RIMS3: variants seen among roughly 807,000 people sequenced by gnomAD.
The protein encoded by RIMS3 is regulating synaptic membrane exocytosis 3, also known as regulating synaptic membrane exocytosis protein 3.
RIMS3 carries 15 observed loss-of-function variants against 29.2 expected under a neutral mutation model. The ratio of observed to expected loss-of-function variants is 0.51; its 90% confidence interval spans 0.34 to 0.79. RIMS3 has a LOEUF of 0.79. RIMS3 is among the 30% of genes least tolerant of loss of function. The probability of loss-of-function intolerance (pLI) is 0.01; values close to 1 mark genes in which losing one functional copy is unlikely to be tolerated. For missense variants in RIMS3, 342 were observed against 421.4 expected (o/e 0.81, Z 1.65); for synonymous variants, 161 against 170.1 (o/e 0.95, Z 0.41).
chr1:40,675,185 T>C, the RIMS3 span, among the ~76,000 whole-genome samples: 2 of 151,830 alleles, frequency 1.3e-5, no homozygotes, highest in African/African-American at 4.8e-5. Flanking sequence ...GGGAGGATCA[T>C]TTGAGCCTGG....
chr1:40,679,558 C>T, the RIMS3 span, among the ~76,000 whole-genome samples: 4 of 152,116 alleles, frequency 2.6e-5, no homozygotes, highest in Admixed American at 2.6e-4. Context: ...TTTATTTCTC[C>T]ATTTTTCCCT....
rs1460224708 is a variant in RIMS3 at position 40,624,309 on chromosome 1, C to T, written c.*2208G>A. 2 of 152,206 alleles carry T rather than the reference C, an allele frequency of 1.3e-5. No homozygotes were observed. The highest frequency in any genetic ancestry group is 2.9e-5 in the Non-Finnish European group (2 of 68,032). The allele number at this position is 152,206 out of a possible 1,614,324, so 9.4% of individuals were successfully genotyped here. A position where few individuals can be genotyped will look rare whatever the true frequency, so the allele number is the denominator to read the frequency against. The stretch of plus-strand genomic sequence containing the variant: ...ATCCCAAAGGTGTAGAGTATTTTCG[C>T]AACACCCTGACAGTGACTGCTCTAG... On this transcript the variant is annotated 3_prime_UTR_variant, in exon 8 of 8. Coordinates refer to ENST00000372684, the MANE Select transcript of RIMS3 (RefSeq NM_014747.3).
At chr1:40,685,042 C>T in the RIMS3 span, among the ~76,000 whole-genome samples, 3 of 152,018 alleles carry the variant, frequency 2.0e-5, no homozygotes, top group Non-Finnish European at 2.9e-5. Context: ...GACCAAGTGG[C>T]TAATTGTCTG....
intron 1 of RIMS3, among the ~76,000 whole-genome samples, chr1:40,659,310 T>C (rs1642317013): frequency 6.6e-6 from 1 of 152,118 alleles, no homozygotes; most frequent in Non-Finnish European, 1.5e-5. Context: ...GCGCACATCA[T>C]AAAGGGCTTT....
At chr1:40,683,421 CG>C in the RIMS3 span, among the ~76,000 whole-genome samples, 1 of 152,168 alleles carries the variant, frequency 6.6e-6, no homozygotes, top group East Asian at 1.9e-4. Context: ...TAAAAGGATA[CG>C]TTTGGCCCCC....
chr1:40,641,638 G>T, intron 3 of RIMS3, 71 bp downstream of exon 3: 1 of 1,465,510 alleles, frequency 6.8e-7, no homozygotes, highest in Non-Finnish European at 9.4e-7. Flanking sequence ...ACCCATCAGG[G>T]CAGTCCCTGG....
the RIMS3 span, among the ~76,000 whole-genome samples, chr1:40,674,323 C>G: frequency 6.6e-6 from 1 of 152,330 alleles, no homozygotes; most frequent in African/African-American, 2.4e-5. Flanking sequence ...GGTACAGTTT[C>G]TGCCTCACTC....
At chr1:40,632,175 C>A (rs1370377419) in intron 5 of RIMS3, among the ~76,000 whole-genome samples, 1 of 151,932 alleles carries the variant, frequency 6.6e-6, no homozygotes, top group Non-Finnish European at 1.5e-5. Context: ...CAGGCCACTG[C>A]AACCAGCTTC....
the RIMS3 span, among the ~76,000 whole-genome samples, chr1:40,671,793 G>C: frequency 7.4e-6 from 1 of 135,314 alleles, no homozygotes; most frequent in African/African-American, 2.8e-5. Context: ...GTCTCACTCT[G>C]TCACCTAGGC....
At chr1:40,628,991 A>C in intron 6 of RIMS3, 42 bp from the exon 7 acceptor site, 2 of 1,611,966 alleles carry the variant, frequency 1.2e-6, no homozygotes, top group Non-Finnish European at 1.7e-6. Context: ...GGTCCAGGAC[A>C]GACAGCTTTG....
intron 7 of RIMS3, 103 bp downstream of exon 7, chr1:40,628,707 C>G (rs1286630195): frequency 1.4e-6 from 2 of 1,480,684 alleles, no homozygotes; most frequent in East Asian, 4.5e-5. Flanking sequence ...AATTAATGCA[C>G]CTACCACAGC....
At chr1:40,667,269 A>G (rs530413187), upstream of RIMS3, among the ~76,000 whole-genome samples, 131 of 152,274 alleles carry the variant, frequency 8.6e-4, no homozygotes, top group Non-Finnish European at 1.7e-3. Flanking sequence ...GTTATCAGCT[A>G]TTCTACCTCA....
intron 3 of RIMS3, among the ~76,000 whole-genome samples, chr1:40,638,334 C>A (rs190289138): frequency 6.6e-6 from 1 of 152,172 alleles, no homozygotes; most frequent in Non-Finnish European, 1.5e-5. Context: ...CAGAGACGAT[C>A]CCTCCACTGG....
intron 1 of RIMS3, among the ~76,000 whole-genome samples, chr1:40,656,158 CAG>C (rs1382323456): frequency 6.6e-6 from 1 of 152,178 alleles, no homozygotes; most frequent in Non-Finnish European, 1.5e-5. Context: ...CACTTGAGTC[CAG>C]GAGGTCAAGG....
At chr1:40,674,299 A>G in the RIMS3 span, among the ~76,000 whole-genome samples, 1 of 152,200 alleles carries the variant, frequency 6.6e-6, no homozygotes, top group Admixed American at 6.5e-5. Flanking sequence ...CTCCAATCAC[A>G]TGGTCCTAGT....
At chr1:40,638,303 A>T (rs1363014246) in intron 3 of RIMS3, among the ~76,000 whole-genome samples, 1 of 152,164 alleles carries the variant, frequency 6.6e-6, no homozygotes, top group African/African-American at 2.4e-5. Context: ...CCTCAGAGGG[A>T]GGAGAAAGCT....
chr1:40,690,256 A>G, the RIMS3 span: 1 of 152,234 alleles, frequency 6.6e-6, no homozygotes. Context: ...AGACTTATTT[A>G]GCTTTTTTCC....
rs1034857005 is a variant in RIMS3 at position 40,641,810 on chromosome 1, G to A, written c.116C>T (p.Thr39Ile). 51 of 1,612,548 alleles carry A rather than the reference G, an allele frequency of 3.2e-5. No individual in the cohort carries two copies. The highest frequency in any genetic ancestry group is 4.2e-5 in the Non-Finnish European group (50 of 1,178,766). ...GSQQAGGGAG[T>I]TTAKKRRSSL... ...GCTCCGCCGCTTCTTGGCGGTGGTG[G>A]TCCCAGCCCCGCCCCCGGCTTGCTG... is the stretch of plus-strand genomic sequence containing the variant. Residue 39 changes from threonine (T) to isoleucine (I), a missense_variant, in exon 3 of 8, where the codon ACC becomes ATC. Transcript: ENST00000372684.
the RIMS3 span, among the ~76,000 whole-genome samples, chr1:40,685,335 AATTAT>A: frequency 3.7e-5 from 4 of 109,514 alleles, no homozygotes; most frequent in Admixed American, 9.8e-5. Context: ...TATATAATAT[AATTAT>A]ATTATATATA....
Sources: gnomAD v4.1 joint callset for allele counts (sites outside exome capture counted in the v4.1 genomes callset) on GRCh38, gnomAD v4.1.1 for gene constraint, MANE v1.5 for transcripts, NCBI Gene and HGNC (gene_info 2026-07-23, HGNC 2026-07-21) for gene names.